The following TATDN3 variants were observed in gnomAD, a reference collection of about 807,000 sequenced individuals.
TATDN3 encodes the protein deoxyribonuclease TATDN3.
TATDN3 carries 29 observed loss-of-function variants against 40.1 expected under a neutral mutation model. That is an observed-to-expected ratio of 0.72 (90% CI 0.54 to 0.99). The LOEUF is 0.99. Among genes scored for constraint, TATDN3 ranks in the 50% least tolerant of loss-of-function variants. The pLI, the probability that TATDN3 is intolerant of heterozygous loss-of-function variation, is 0.00. For missense variants in TATDN3, 309 were observed against 321.9 expected (o/e 0.96, Z 0.31); for synonymous variants, 105 against 117.0 (o/e 0.90, Z 0.66).
chr1:212,812,364 GTA>G, intron 9 of TATDN3, 36 bp downstream of exon 9: 3 of 1,111,830 alleles, frequency 2.7e-6, no homozygotes, highest in Non-Finnish European at 3.9e-6. Context: ...TATTTAGATT[GTA>G]TCTTTCATTT....
chr1:212,794,688 T>C lies in TATDN3; in HGVS notation c.67-407T>C, dbSNP rs974674843. 1.5e-5 allele frequency: 7 copies of C among 459,378 alleles called. No individual in the cohort carries two copies. The East Asian group carries it at 4.7e-4, about 31-fold the overall frequency. The allele number at this position is 459,378 out of a possible 1,614,324, so 28.5% of individuals were successfully genotyped here. A position where few individuals can be genotyped will look rare whatever the true frequency, so the allele number is the denominator to read the frequency against. On this transcript the variant is annotated intron_variant, in intron 1 of 9. Coordinates refer to ENST00000366974, the MANE Select transcript of TATDN3 (RefSeq NM_001042552.3). The stretch of plus-strand genomic sequence containing the variant: ...GCAAGTGCAGAGAGAGGAGCAGATG[T>C]TCTTGAAGTCTGAAAGAGGAAGGGG...
In TATDN3 at chr1:212,804,433, G is replaced by C. The variant is rs776876473; in HGVS notation, c.431+4G>C. 6.2e-7 allele frequency: 1 copy of C among 1,610,590 alleles called. No homozygotes were observed. Among genetic ancestry groups the C allele is most frequent in the Non-Finnish European group, 8.5e-7 (1 of 1,177,182 alleles). On this transcript the variant is annotated splice_donor_region_variant and intron_variant, in intron 6 of 9. Coordinates refer to ENST00000366974, the MANE Select transcript of TATDN3 (RefSeq NM_001042552.3). ...CCAAAAGACTAAATTTGCCTGTGTA[G>C]GTTAATTATTTTCCTATGTTAATAG...
chr1:212,807,919 C>G, intron 8 of TATDN3, 71 bp downstream of exon 8: 1 of 957,176 alleles, frequency 1.0e-6, no homozygotes, highest in East Asian at 2.5e-5. Context: ...TTCTTCCATA[C>G]TTGTGATACT....
At chr1:212,793,864 G>T (rs1397351669) in intron 1 of TATDN3, among the ~76,000 whole-genome samples, 1 of 152,164 alleles carries the variant, frequency 6.6e-6, no homozygotes, top group African/African-American at 2.4e-5. Context: ...GAAGGAATAG[G>T]TTTGTGGGGA....
chr1:212,801,374 A>G (rs888196254), intron 4 of TATDN3, among the ~76,000 whole-genome samples: 1 of 152,132 alleles, frequency 6.6e-6, no homozygotes, highest in Non-Finnish European at 1.5e-5. Context: ...ATTTGTACAT[A>G]TTAAATAAGT....
intron 1 of TATDN3, among the ~76,000 whole-genome samples, chr1:212,792,745 C>G (rs1334011563): frequency 6.6e-6 from 1 of 151,506 alleles, no homozygotes; most frequent in African/African-American, 2.4e-5. Context: ...TATGAGAGGC[C>G]GAAGTGGGTG....
intron 5 of TATDN3, among the ~76,000 whole-genome samples, chr1:212,803,484 A>G (rs1353138546): frequency 1.3e-5 from 2 of 151,960 alleles, no homozygotes; most frequent in Non-Finnish European, 2.9e-5. Flanking sequence ...GTGCCCGGCC[A>G]ATTGTGAAAT....
intron 1 of TATDN3, among the ~76,000 whole-genome samples, chr1:212,792,446 G>C (rs78659116): frequency 0.024 from 3,528 of 149,786 alleles, 125 homozygotes; most frequent in African/African-American, 0.08. Flanking sequence ...TGACCAGCCT[G>C]GGCAACATGG....
chr1:212,807,510 C>G (rs1260797122), intron 7 of TATDN3, among the ~76,000 whole-genome samples: 3 of 152,144 alleles, frequency 2.0e-5, no homozygotes, highest in African/African-American at 7.2e-5. Context: ...GCCTTGGCCT[C>G]CTAAAGTTCT....
intron 7 of TATDN3, among the ~76,000 whole-genome samples, chr1:212,805,926 C>CTACA (rs1256517367): frequency 1.3e-4 from 11 of 86,838 alleles, no homozygotes; most frequent in African/African-American, 3.8e-4. Flanking sequence ...TAAGTGTGTG[C>CTACA]TACATACACA....
At chr1:212,796,645 A>G (rs913026205) in intron 3 of TATDN3, 55 bp downstream of exon 3, 1 of 1,250,860 alleles carries the variant, frequency 8.0e-7, no homozygotes, top group East Asian at 2.4e-5. Context: ...CAGTTATGAC[A>G]TCCAGTTTAT....
chr1:212,808,050 C>G (rs574809426), intron 8 of TATDN3, among the ~76,000 whole-genome samples: 3 of 152,126 alleles, frequency 2.0e-5, no homozygotes, highest in Non-Finnish European at 4.4e-5. Flanking sequence ...CAGGGGCTCA[C>G]GCTTGTAATC....
intron 2 of TATDN3, among the ~76,000 whole-genome samples, chr1:212,795,775 T>G (rs2102431365): frequency 6.6e-6 from 1 of 152,048 alleles, no homozygotes; most frequent in East Asian, 1.9e-4. Flanking sequence ...TTCTCGACTT[T>G]ACCTCATTCA....
intron 4 of TATDN3, among the ~76,000 whole-genome samples, chr1:212,799,539 CT>C (rs1181062032): frequency 3.9e-3 from 541 of 138,086 alleles, no homozygotes; most frequent in Admixed American, 7.9e-3. Flanking sequence ...ATAGGTACTT[CT>C]TTTTTTTTTT....
chr1:212,793,508 G>A (rs1489729374), intron 1 of TATDN3, among the ~76,000 whole-genome samples: 1 of 152,150 alleles, frequency 6.6e-6, no homozygotes, highest in Non-Finnish European at 1.5e-5. Context: ...GGATAGGCAT[G>A]ATGCTATCCA....
rs1242636281 is a variant in TATDN3 at position 212,797,098 on chromosome 1, T to C, written c.174-14T>C. The C allele has an allele frequency of 1.2e-6, 2 of 1,609,368 alleles. No homozygotes were observed. Among genetic ancestry groups the C allele is most frequent in the Non-Finnish European group, 1.7e-6 (2 of 1,175,628 alleles). ...CTACTGTTCCTGCTTTCTCAGTTGG[T>C]TCTACATTTTTAGGTATAATGGGTT... On this transcript the variant is annotated splice_polypyrimidine_tract_variant and intron_variant, in intron 3 of 9. Coordinates refer to ENST00000366974, the MANE Select transcript of TATDN3 (RefSeq NM_001042552.3).
chr1:212,792,413 C>T (rs1661379016), intron 1 of TATDN3, among the ~76,000 whole-genome samples: 1 of 150,056 alleles, frequency 6.7e-6, no homozygotes, highest in Admixed American at 6.6e-5. Flanking sequence ...GGGCGCTGCG[C>T]ATCTCCTGTG....
chr1:212,809,684 CAAA>C (rs753985101), intron 8 of TATDN3, among the ~76,000 whole-genome samples: 2 of 82,322 alleles, frequency 2.4e-5, no homozygotes, highest in Non-Finnish European at 2.5e-5. Flanking sequence ...GACTCCGTCT[CAAA>C]AAAAAAAAAA....
chr1:212,794,333 G>A (rs1238826779), intron 1 of TATDN3, among the ~76,000 whole-genome samples: 1 of 151,748 alleles, frequency 6.6e-6, no homozygotes, highest in Non-Finnish European at 1.5e-5. Flanking sequence ...GCTCACACCT[G>A]TAGTCCCAGC....
Sources: gnomAD v4.1 joint callset for allele counts (sites outside exome capture counted in the v4.1 genomes callset) on GRCh38, gnomAD v4.1.1 for gene constraint, MANE v1.5 for transcripts, NCBI Gene and HGNC (gene_info 2026-07-23, HGNC 2026-07-21) for gene names.